Variants in CFAP69 observed in about 807,000 individuals in gnomAD.
The protein encoded by CFAP69 is cilia- and flagella-associated protein 69.
CFAP69 carries 92 observed loss-of-function variants against 123.0 expected under a neutral mutation model. The observed-to-expected ratio is 0.75, with a 90% confidence interval of 0.63 to 0.89. The LOEUF is 0.89. Ranked by LOEUF, CFAP69 falls within the 40% of genes least tolerant of loss-of-function variation. CFAP69 has a pLI of 0.00. For missense variants in CFAP69, 1,067 were observed against 1,096.9 expected (o/e 0.97, Z 0.39); for synonymous variants, 380 against 364.3 (o/e 1.04, Z -0.49).
chr7:90,259,303 G>A (rs1471680015), intron 3 of CFAP69, among the ~76,000 whole-genome samples: 1 of 152,098 alleles, frequency 6.6e-6, no homozygotes, highest in East Asian at 1.9e-4. Context: ...TAGCTACTGG[G>A]AAGGCTAAGA....
chr7:90,253,501 C>T lies in CFAP69; in HGVS notation c.121-1922C>T, dbSNP rs571852585. ...CACCTCCCGGGTTCAAGCAATTCTTCTGCCTCAGCCTCCCGAGTAGCTGGG... is the reference window on the plus strand; with the variant it reads ...CACCTCCCGGGTTCAAGCAATTCTTTTGCCTCAGCCTCCCGAGTAGCTGGG... On this transcript the variant is annotated intron_variant, in intron 1 of 22. Coordinates refer to ENST00000389297, the MANE Select transcript of CFAP69 (RefSeq NM_001039706.3). Among the ~76,000 whole-genome samples the T allele has an allele frequency of 1.7e-4, 26 of 152,310 alleles. No homozygotes were observed. The South Asian group carries it at 5.2e-3, about 30-fold the overall frequency.
At chr7:90,267,570 T>C (rs1220943412) in intron 5 of CFAP69, among the ~76,000 whole-genome samples, 2 of 152,194 alleles carry the variant, frequency 1.3e-5, no homozygotes, top group African/African-American at 4.8e-5. Flanking sequence ...AGTTTAGATA[T>C]GACTGAAAAC....
Position 90,245,384 on chromosome 7 carries a change from A to T in CFAP69, c.-41A>T. 1 of 1,499,304 alleles carries T rather than the reference A, an allele frequency of 6.7e-7. No individual in the cohort carries two copies. The highest frequency in any genetic ancestry group is 2.3e-5 in the Admixed American group (1 of 43,504). The allele number at this position is 1,499,304 out of a possible 1,614,324, so 92.9% of individuals were successfully genotyped here. A position where few individuals can be genotyped will look rare whatever the true frequency, so the allele number is the denominator to read the frequency against. On this transcript the variant is annotated 5_prime_UTR_variant, in exon 1 of 23. Transcript: ENST00000389297. ...CCAGCGGCTGCGGGCGCACTGTAGG[A>T]CAGGAAGATCCCCCCACTCTCCACC...
At chr7:90,303,401 A>C (rs1484245536) in intron 17 of CFAP69, 1 of 216,066 alleles carries the variant, frequency 4.6e-6, no homozygotes. Context: ...TACAAAGGGA[A>C]TGCTTCCAGC....
intron 17 of CFAP69, 80 bp from the exon 18 acceptor site, chr7:90,303,889 A>G (rs1793174181): frequency 1.4e-6 from 2 of 1,404,982 alleles, no homozygotes; most frequent in East Asian, 2.6e-5. Flanking sequence ...TGTTATCTAG[A>G]CTAAAATCTC....
chr7:90,280,447 C>T (rs1293688016), intron 12 of CFAP69, among the ~76,000 whole-genome samples: 1 of 152,218 alleles, frequency 6.6e-6, no homozygotes, highest in Non-Finnish European at 1.5e-5. Context: ...CTGCCTACTT[C>T]GGCCTCTCAC....
At chr7:90,248,252 C>T (rs1796559114) in intron 1 of CFAP69, among the ~76,000 whole-genome samples, 3 of 152,144 alleles carry the variant, frequency 2.0e-5, no homozygotes, top group Admixed American at 2.0e-4. Context: ...TTATTACAGA[C>T]CTAAATTGAA....
chr7:90,251,540 C>T (rs975658018), intron 1 of CFAP69, among the ~76,000 whole-genome samples: 1 of 152,136 alleles, frequency 6.6e-6, no homozygotes, highest in Non-Finnish European at 1.5e-5. Flanking sequence ...TATGTTCAGT[C>T]TCAAACCATT....
chr7:90,317,126 TAAAG>T, the CFAP69 span: 2 of 151,990 alleles, frequency 1.3e-5, no homozygotes, highest in Non-Finnish European at 2.9e-5. Context: ...AGTTTAATGA[TAAAG>T]AACACAGATG....
chr7:90,274,692 C>T (rs1204231944), intron 9 of CFAP69, among the ~76,000 whole-genome samples: 6 of 152,080 alleles, frequency 3.9e-5, no homozygotes, highest in Admixed American at 2.6e-4. Flanking sequence ...TATTTCAAAT[C>T]GTTATTCCCC....
rs777291539 is a variant in CFAP69, at chr7:90,282,986, C to T, written c.1467C>T (p.Ala489=). The T allele has an allele frequency of 4.9e-5, 79 of 1,600,376 alleles. No individual in the cohort carries two copies. The highest frequency in any genetic ancestry group is 1.7e-4 in the Middle Eastern group (1 of 6,038). The change falls in exon 13 of 23, where the codon GCC becomes GCT. Residue 489 remains alanine (A), a synonymous_variant. Coordinates refer to ENST00000389297, the MANE Select transcript of CFAP69 (RefSeq NM_001039706.3). ...GTTACAGTTTAAGACTCCTGAGAGC[C>T]GTGGTCTACCTTGAAGATGAGACTG... The part of the protein sequence containing the change: ...QMRYSLRLLR[A]VVYLEDETVN...
At position 90,283,055 on chromosome 7, in the gene CFAP69, AG is replaced by A. The variant is rs1562888982; in HGVS notation, c.1537+1del. The A allele has an allele frequency of 6.5e-7, 1 of 1,544,368 alleles. No individual in the cohort carries two copies. Among genetic ancestry groups the A allele is most frequent in the Non-Finnish European group, 8.7e-7 (1 of 1,147,972 alleles). On this transcript the variant is annotated frameshift_variant and splice_region_variant, in exon 13 of 23. Coordinates refer to ENST00000389297, the MANE Select transcript of CFAP69 (RefSeq NM_001039706.3). ...CEKGTIQQMI[G>X]IFKNIISKPN... is the part of the protein sequence containing the mutation. ...AAAAGGGAACAATTCAGCAAATGAT[AG>A]GTAAAATATAACATGGTGGTTTACT...
chr7:90,301,584 G>A (rs765119566), intron 17 of CFAP69: 1 of 152,094 alleles, frequency 6.6e-6, no homozygotes, highest in Non-Finnish European at 1.5e-5. Context: ...TGCAGTGTTT[G>A]GTTTTCTGTT....
chr7:90,280,507 G>C (rs143275170), intron 12 of CFAP69, among the ~76,000 whole-genome samples: 3 of 152,210 alleles, frequency 2.0e-5, no homozygotes, highest in African/African-American at 7.2e-5. Context: ...ATATTGCCCA[G>C]TCTGGCAGTA....
At position 90,286,296 on chromosome 7, in the gene CFAP69, T is replaced by C. The variant is rs1790267182; in HGVS notation, c.1553T>C (p.Ile518Thr). The change falls in exon 14 of 23, where the codon ATA becomes ACA. Residue 518 changes from isoleucine (I) to threonine (T), a missense_variant. Coordinates refer to ENST00000389297, the MANE Select transcript of CFAP69 (RefSeq NM_001039706.3). ...TTCATACCAGGAATCTTTAAAAATA[T>C]AATAAGCAAGCCTAATGAAAAGGAA... The part of the protein sequence containing the change: ...IQQMIGIFKN[I>T]ISKPNEKEEA... The C allele has an allele frequency of 3.8e-6, 6 of 1,599,610 alleles. No homozygotes were observed. The highest frequency in any genetic ancestry group is 4.3e-6 in the Non-Finnish European group (5 of 1,170,896).
chr7:90,272,454 G>A (rs1800093785), intron 8 of CFAP69, among the ~76,000 whole-genome samples: 1 of 152,086 alleles, frequency 6.6e-6, no homozygotes, highest in African/African-American at 2.4e-5. Flanking sequence ...TGCTAGGAGG[G>A]ATGGACAAGT....
intron 4 of CFAP69, 110 bp from the exon 5 acceptor site, chr7:90,265,191 T>C (rs999626254): frequency 3.3e-6 from 2 of 615,354 alleles, no homozygotes; most frequent in Middle Eastern, 8.9e-4. Context: ...AAGAATAGAA[T>C]ATTATTATTA....
At chr7:90,297,532 T>C (rs1792171592) in intron 15 of CFAP69, among the ~76,000 whole-genome samples, 1 of 152,212 alleles carries the variant, frequency 6.6e-6, no homozygotes, top group African/African-American at 2.4e-5. Context: ...TAGGCAGTTA[T>C]GGAAAAGAAT....
At chr7:90,303,418 C>A in intron 17 of CFAP69, 1 of 280,700 alleles carries the variant, frequency 3.6e-6, no homozygotes, top group Non-Finnish European at 5.4e-6. Flanking sequence ...CAGCTTTTCT[C>A]CATTCCATAT....
Sources: allele counts gnomAD v4.1 joint callset (sites outside exome capture counted in the v4.1 genomes callset), GRCh38; gene constraint gnomAD v4.1.1; transcripts MANE v1.5; gene names NCBI Gene and HGNC (gene_info 2026-07-23, HGNC 2026-07-21).